GRIP1: variants seen among roughly 807,000 people sequenced by gnomAD.
GRIP1 encodes the protein glutamate receptor interacting protein 1, also known as glutamate receptor-interacting protein 1.
A neutral mutation model predicts 129.9 loss-of-function variants in GRIP1; 45 were observed. The observed-to-expected ratio is 0.35, with a 90% CI of 0.27 to 0.44. The LOEUF is 0.44. Among genes scored for constraint, GRIP1 ranks in the 20% least tolerant of loss-of-function variants. GRIP1 has a pLI of 1.00. For missense variants in GRIP1, 1,196 were observed against 1,396.8 expected (o/e 0.86, Z 2.29); for synonymous variants, 530 against 520.8 (o/e 1.02, Z -0.24).
At chr12:66,901,866 A>G (rs2040848950) in intron 1 of GRIP1, among the ~76,000 whole-genome samples, 1 of 152,190 alleles carries the variant, frequency 6.6e-6, no homozygotes, top group Non-Finnish European at 1.5e-5. Flanking sequence ...GTGTTCCACA[A>G]TTGTATTGTA....
chr12:67,028,366 T>C (rs1279886899), intron 1 of GRIP1, among the ~76,000 whole-genome samples: 2 of 152,228 alleles, frequency 1.3e-5, no homozygotes, highest in African/African-American at 4.8e-5. Context: ...GAACAGTGTT[T>C]GAATAGAACG....
At chr12:66,652,725 A>G (rs1336529136) in intron 1 of GRIP1, among the ~76,000 whole-genome samples, 6 of 152,140 alleles carry the variant, frequency 3.9e-5, no homozygotes, top group African/African-American at 7.2e-5. Flanking sequence ...TGTCCCCATC[A>G]CTCCAGGTGC....
chr12:66,664,392 T>C (rs995326529), intron 1 of GRIP1, among the ~76,000 whole-genome samples: 5 of 152,210 alleles, frequency 3.3e-5, no homozygotes, highest in Admixed American at 6.5e-5. Context: ...GTCTCTAACA[T>C]ACATTAGATA....
At chr12:66,917,553 T>C (rs944731710) in intron 1 of GRIP1, among the ~76,000 whole-genome samples, 2 of 152,252 alleles carry the variant, frequency 1.3e-5, no homozygotes, top group Admixed American at 6.5e-5. Context: ...ATGACATTAA[T>C]TGATAAACAC....
At position 66,896,489 on chromosome 12, in the gene GRIP1, A is replaced by AAAACAAAAAAAAAAC. The variant is rs779483048; in HGVS notation, c.58+172560_58+172561insGTTTTTTTTTTGTTT. 9.7e-3 allele frequency among the ~76,000 whole-genome samples: 1,457 copies of AAAACAAAAAAAAAAC among 149,662 alleles called. 32 individuals carry two copies. The highest frequency in any genetic ancestry group is 0.033 in the African/African-American group (1,365 of 41,048). The stretch of plus-strand genomic sequence containing the variant: ...TACCTCTGAGGAATTTGAAAAAAAA[A>AAAACAAAAAAAAAAC]AAAAAAACTTTGGTGGGCCTGAATG... On this transcript the variant is annotated intron_variant, in intron 1 of 1. Transcript: ENST00000643019.
intron 7 of GRIP1, among the ~76,000 whole-genome samples, chr12:66,493,472 G>GT (rs1209140480): frequency 6.6e-6 from 1 of 152,080 alleles, no homozygotes; most frequent in Non-Finnish European, 1.5e-5. Context: ...ATAGACATCT[G>GT]TTTTTTTGAC....
intron 1 of GRIP1, among the ~76,000 whole-genome samples, chr12:66,785,323 CATACATACATACATACATACATATATAT>C (rs377469921): frequency 0.02 from 1,112 of 55,984 alleles, 54 homozygotes; most frequent in African/African-American, 0.065. Flanking sequence ...TACATACATA[CATACATACATACATACATACATATATAT>C]ATATATATAT....
At chr12:66,975,320 A>G (rs1050877526) in intron 1 of GRIP1, among the ~76,000 whole-genome samples, 1 of 152,226 alleles carries the variant, frequency 6.6e-6, no homozygotes, top group African/African-American at 2.4e-5. Context: ...TCAGGTATCT[A>G]AAATTGTAAA....
intron 1 of GRIP1, among the ~76,000 whole-genome samples, chr12:66,653,197 C>G (rs2032921756): frequency 6.6e-6 from 1 of 152,044 alleles, no homozygotes; most frequent in African/African-American, 2.4e-5. Context: ...AATTTCTAAA[C>G]TTAAAATAAA....
chr12:66,990,910 G>A (rs2042383849), intron 1 of GRIP1, among the ~76,000 whole-genome samples: 1 of 151,456 alleles, frequency 6.6e-6, no homozygotes, highest in African/African-American at 2.4e-5. Flanking sequence ...CCGGGAGGCA[G>A]AGGTCGCGGT....
chr12:67,018,816 T>C (rs1186649858), intron 1 of GRIP1, among the ~76,000 whole-genome samples: 1 of 152,130 alleles, frequency 6.6e-6, no homozygotes, highest in Non-Finnish European at 1.5e-5. Flanking sequence ...TAATGGGATA[T>C]GTGACTAAAA....
At chr12:66,492,503 T>C (rs2060129037) in intron 7 of GRIP1, among the ~76,000 whole-genome samples, 1 of 152,176 alleles carries the variant, frequency 6.6e-6, no homozygotes, top group South Asian at 2.1e-4. Flanking sequence ...GCCAAGGCAC[T>C]GAGAGGCACC....
At chr12:66,812,791 TG>T (rs1209361997) in intron 1 of GRIP1, among the ~76,000 whole-genome samples, 2 of 152,238 alleles carry the variant, frequency 1.3e-5, no homozygotes, top group African/African-American at 2.4e-5. Context: ...ACATTCTTGC[TG>T]GTTGATTTTG....
chr12:66,438,527 GCT>G, intron 13 of GRIP1, among the ~76,000 whole-genome samples: 1 of 84,242 alleles, frequency 1.2e-5, no homozygotes, highest in East Asian at 3.3e-4. Context: ...TTTTTTTTTT[GCT>G]CTGTTGCCCA....
chr12:66,604,414 C>G (rs955632508), intron 1 of GRIP1, among the ~76,000 whole-genome samples: 1 of 152,202 alleles, frequency 6.6e-6, no homozygotes, highest in Non-Finnish European at 1.5e-5. Flanking sequence ...GCAAGGACAG[C>G]TGAACCAGTC....
intron 1 of GRIP1, among the ~76,000 whole-genome samples, chr12:66,922,736 C>A (rs554150652): frequency 2.0e-5 from 3 of 152,312 alleles, no homozygotes; most frequent in Admixed American, 2.0e-4. Flanking sequence ...TACCCTTCCC[C>A]CTTTTCTCCC....
intron 1 of GRIP1, among the ~76,000 whole-genome samples, chr12:66,731,862 G>A (rs2036447691): frequency 6.6e-6 from 1 of 151,986 alleles, no homozygotes; most frequent in African/African-American, 2.4e-5. Context: ...ATAGAGGCAG[G>A]GCCTATTTGT....
chr12:66,725,739 T>C (rs1027693683), intron 1 of GRIP1, among the ~76,000 whole-genome samples: 1 of 152,180 alleles, frequency 6.6e-6, no homozygotes, highest in African/African-American at 2.4e-5. Flanking sequence ...ATATTAATCA[T>C]ACACACTCAA....
intron 15 of GRIP1, among the ~76,000 whole-genome samples, chr12:66,407,834 G>C (rs919469249): frequency 1.3e-5 from 2 of 152,142 alleles, no homozygotes; most frequent in African/African-American, 4.8e-5. Context: ...TAGACTTGGG[G>C]GGCATGTGAC....
Sources: allele counts gnomAD v4.1 joint callset (sites outside exome capture counted in the v4.1 genomes callset), GRCh38; gene constraint gnomAD v4.1.1; transcripts MANE v1.5; gene names NCBI Gene and HGNC (gene_info 2026-07-23, HGNC 2026-07-21).